Variants in CACNA2D1 observed in about 807,000 individuals in gnomAD.
CACNA2D1 encodes calcium voltage-gated channel auxiliary subunit alpha2delta 1.
Under a neutral mutation model 171.5 loss-of-function variants are expected in CACNA2D1, and 53 were observed. The observed-to-expected ratio is 0.31, with a 90% CI of 0.25 to 0.39. The LOEUF (loss-of-function observed/expected upper bound fraction) is 0.39, where lower values mean the gene tolerates loss of function less well. CACNA2D1 is among the 10% of genes least tolerant of loss of function. The pLI, the probability that CACNA2D1 is intolerant of heterozygous loss-of-function variation, is 1.00. For missense variants in CACNA2D1, 903 were observed against 1,299.8 expected (o/e 0.69, Z 4.69); for synonymous variants, 442 against 443.1 (o/e 1.00, Z 0.03).
At chr7:82,358,558 G>T (rs1451916241) in intron 1 of CACNA2D1, among the ~76,000 whole-genome samples, 1 of 152,094 alleles carries the variant, frequency 6.6e-6, no homozygotes, top group Non-Finnish European at 1.5e-5. Flanking sequence ...AAGAAAGGCA[G>T]AAAAGGATGT....
rs1375036562 is a variant in CACNA2D1, at chr7:81,970,125, T to C, written c.2205-141A>G. The C allele has an allele frequency of 7.4e-6, 5 of 677,578 alleles. No individual in the cohort carries two copies. The Admixed American group carries it at 8.5e-5, about 12-fold the overall frequency. 42.0% of individuals were successfully genotyped at this position (677,578 alleles called of 1,614,324 possible). ...AGTTAGTGGTAATTGATAGCATAACTGATACTCATTACTGAGCAATGCATC... is the reference window on the plus strand; with the variant it reads ...AGTTAGTGGTAATTGATAGCATAACCGATACTCATTACTGAGCAATGCATC... On this transcript the variant is annotated intron_variant, in intron 27 of 38. Coordinates refer to ENST00000356860, the MANE Select transcript of CACNA2D1 (RefSeq NM_000722.4).
chr7:81,950,363 T>TTAAC lies in CACNA2D1; in HGVS notation c.*25_*28dup, dbSNP rs1348816440. 1 of 1,612,904 alleles carries TTAAC rather than the reference T, an allele frequency of 6.2e-7. No individual in the cohort carries two copies. Among genetic ancestry groups the TTAAC allele is most frequent in the East Asian group, 2.2e-5 (1 of 44,858 alleles). On this transcript the variant is annotated 3_prime_UTR_variant, in exon 39 of 39. Transcript: ENST00000356860. ...CTCATGTTTTGGCAGGGTCTGGAGTTTAACTATGCAGATTTGGTTTTTAGA... is the reference window on the plus strand; with the variant it reads ...CTCATGTTTTGGCAGGGTCTGGAGTTTAACTAACTATGCAGATTTGGTTTTTAGA...
Position 82,015,394 on chromosome 7 carries a change from A to T in CACNA2D1, c.1144-915T>A, listed in dbSNP as rs555284864. Among the ~76,000 whole-genome samples, 3 of 152,294 alleles carry T rather than the reference A, an allele frequency of 2.0e-5. No homozygotes were observed. The South Asian group carries it at 6.2e-4, about 32-fold the overall frequency. ...TAAGCTCCTAGGATTTTTAAATATA[A>T]TCAAAATATTGACTGTTCCTAACAT... On this transcript the variant is annotated intron_variant, in intron 12 of 38. Transcript: ENST00000356860.
At chr7:82,294,611 T>C (rs1248748887) in intron 3 of CACNA2D1, among the ~76,000 whole-genome samples, 4 of 152,126 alleles carry the variant, frequency 2.6e-5, no homozygotes, top group Non-Finnish European at 4.4e-5. Context: ...GTTAAAAATA[T>C]GTCATGAGTC....
chr7:82,310,241 T>C (rs931253725), intron 3 of CACNA2D1, among the ~76,000 whole-genome samples: 2 of 151,812 alleles, frequency 1.3e-5, no homozygotes, highest in Non-Finnish European at 2.9e-5. Context: ...TAAATTAATA[T>C]AATTAAATCT....
chr7:82,189,381 G>A (rs762054445), intron 3 of CACNA2D1, among the ~76,000 whole-genome samples: 2 of 151,868 alleles, frequency 1.3e-5, no homozygotes, highest in Non-Finnish European at 2.9e-5. Flanking sequence ...CCATTTAGCT[G>A]ATAGTGCTCT....
At chr7:82,376,602 T>C (rs1823040911) in intron 1 of CACNA2D1, among the ~76,000 whole-genome samples, 2 of 152,222 alleles carry the variant, frequency 1.3e-5, no homozygotes, top group African/African-American at 2.4e-5. Context: ...TTTCCGAATA[T>C]ACATCTCTGT....
At position 82,097,485 on chromosome 7, in the gene CACNA2D1, A is replaced by G. The variant is rs573688290; in HGVS notation, c.527-12585T>C. On this transcript the variant is annotated intron_variant, in intron 6 of 38. Transcript: ENST00000356860. ...GATGTTGAGAAAAAATCTACAGGCCACAGTAACAAATGTGGGAAAGGAGAA... is the reference window on the plus strand; with the variant it reads ...GATGTTGAGAAAAAATCTACAGGCCGCAGTAACAAATGTGGGAAAGGAGAA... Among the ~76,000 whole-genome samples the G allele has an allele frequency of 2.0e-5, 3 of 152,248 alleles. No homozygotes were observed. The South Asian group carries it at 6.2e-4, about 32-fold the overall frequency.
chr7:82,012,025 G>A (rs899355550), intron 15 of CACNA2D1, 129 bp downstream of exon 15: 1 of 702,402 alleles, frequency 1.4e-6, no homozygotes, highest in Non-Finnish European at 2.6e-6. Flanking sequence ...TAGGAAAGAA[G>A]TCTGTGATAG....
chr7:82,092,911 T>A (rs1811388570), intron 6 of CACNA2D1, among the ~76,000 whole-genome samples: 1 of 151,938 alleles, frequency 6.6e-6, no homozygotes, highest in Admixed American at 6.6e-5. Flanking sequence ...TCAGAAACTC[T>A]GAGAGCAGAG....
At chr7:82,265,268 A>G (rs765009164) in intron 3 of CACNA2D1, among the ~76,000 whole-genome samples, 28 of 152,178 alleles carry the variant, frequency 1.8e-4, no homozygotes, top group Non-Finnish European at 2.9e-4. Flanking sequence ...CCAAAGCACT[A>G]TTTCTCAGAT....
intron 5 of CACNA2D1, among the ~76,000 whole-genome samples, chr7:82,129,849 C>T (rs1790748886): frequency 6.6e-6 from 1 of 152,096 alleles, no homozygotes; most frequent in Non-Finnish European, 1.5e-5. Context: ...TTGGTGCTGT[C>T]ATATTTGTAA....
intron 38 of CACNA2D1, among the ~76,000 whole-genome samples, chr7:81,954,806 C>G (rs932893170): frequency 6.6e-5 from 10 of 152,048 alleles, no homozygotes; most frequent in African/African-American, 2.2e-4. Flanking sequence ...AAAGTTACCA[C>G]CAGCAACTTT....
intron 1 of CACNA2D1, among the ~76,000 whole-genome samples, chr7:82,399,737 C>G (rs1279808205): frequency 1.7e-5 from 2 of 117,332 alleles, no homozygotes; most frequent in East Asian, 5.7e-4. Flanking sequence ...TTCGTTCTTT[C>G]AATTTTATAC....
chr7:82,080,067 ACG>A lies in CACNA2D1; in HGVS notation c.658+4700_658+4701del, dbSNP rs1584668067. Among the ~76,000 whole-genome samples the A allele has an allele frequency of 4.0e-5, 6 of 150,338 alleles. No individual in the cohort carries two copies. The East Asian group carries it at 1.2e-3, about 29-fold the overall frequency. On this transcript the variant is annotated intron_variant, in intron 7 of 38. Transcript: ENST00000356860. ...AAAATATATATGTGTGTATATATAT[ACG>A]TATATATATGCGTACATATGTATAG...
At chr7:81,987,033 C>T (rs1373322475) in intron 21 of CACNA2D1, among the ~76,000 whole-genome samples, 1 of 152,072 alleles carries the variant, frequency 6.6e-6, no homozygotes, top group African/African-American at 2.4e-5. Flanking sequence ...GCTTGGGTTA[C>T]ATCTAATATA....
chr7:81,962,109 C>T lies in CACNA2D1; in HGVS notation c.2837-86G>A, dbSNP rs1251104147. 3 of 1,309,136 alleles carry T rather than the reference C, an allele frequency of 2.3e-6. No homozygotes were observed. The Admixed American group carries it at 5.3e-5, about 23-fold the overall frequency. 81.1% of individuals were successfully genotyped at this position (1,309,136 alleles called of 1,614,324 possible). ...ACTCCCCTCGAGTCTTCACTTCTCA[C>T]AGAGCAAAATAAACGTATAAGACCA... On this transcript the variant is annotated intron_variant, in intron 35 of 38. Transcript: ENST00000356860.
chr7:82,169,837 T>C (rs547331167), intron 4 of CACNA2D1, among the ~76,000 whole-genome samples: 6 of 140,768 alleles, frequency 4.3e-5, no homozygotes, highest in African/African-American at 1.5e-4. Context: ...AGAAGTACTT[T>C]CTGATTATTA....
chr7:82,441,145 G>A (rs1379650259), intron 1 of CACNA2D1, among the ~76,000 whole-genome samples: 1 of 151,826 alleles, frequency 6.6e-6, no homozygotes, highest in Admixed American at 6.6e-5. Flanking sequence ...TTCTTTTCTC[G>A]AAAGAAAAGC....
Sources: gnomAD v4.1 joint callset for allele counts (sites outside exome capture counted in the v4.1 genomes callset) on GRCh38, gnomAD v4.1.1 for gene constraint, MANE v1.5 for transcripts, NCBI Gene and HGNC (gene_info 2026-07-23, HGNC 2026-07-21) for gene names.